Variants in ZNF697 observed in about 807,000 individuals in gnomAD.
The protein encoded by ZNF697 is zinc finger protein 697.
In ZNF697, 23 loss-of-function variants were observed where a neutral mutation model predicts 32.4. The ratio of observed to expected loss-of-function variants is 0.71; its 90% CI spans 0.51 to 1.01. ZNF697 has a LOEUF of 1.01. Ranked by LOEUF, ZNF697 falls within the 50% of genes least tolerant of loss-of-function variation. ZNF697 has a pLI of 0.00. For missense variants in ZNF697, 930 were observed against 794.0 expected (o/e 1.17, Z -2.06); for synonymous variants, 418 against 337.2 (o/e 1.24, Z -2.62).
chr1:119,630,442 C>A (rs1185476040), intron 1 of ZNF697, among the ~76,000 whole-genome samples: 4 of 152,360 alleles, frequency 2.6e-5, no homozygotes, highest in African/African-American at 7.2e-5. Context: ...GCAACTTCAA[C>A]AAGACTGCTC....
Position 119,641,398 on chromosome 1 carries a change from A to T in ZNF697, c.-38+6293T>A, listed in dbSNP as rs146795494. On this transcript the variant is annotated intron_variant, in intron 1 of 2. Transcript: ENST00000421812. Reference sequence around the variant, plus strand: ...GGAAAGCTCATATACTAAAAAAAATAACAAGAAAAAGAGTCACAGGTGGGG... The same window carrying T: ...GGAAAGCTCATATACTAAAAAAAATTACAAGAAAAAGAGTCACAGGTGGGG... Among the ~76,000 whole-genome samples the T allele has an allele frequency of 4.6e-3, 696 of 152,308 alleles. 4 individuals carry two copies. Among genetic ancestry groups the T allele is most frequent in the African/African-American group, 0.016 (653 of 41,554 alleles).
At position 119,625,867 on chromosome 1, in the gene ZNF697, C is replaced by T. The variant is rs750375195; in HGVS notation, c.226+8G>A. ...CAACTTGCATAGAAATCCCAGCTTT[C>T]TCCTCACCTGTGCAGATGTCGGGCA... On this transcript the variant is annotated splice_region_variant and intron_variant, in intron 2 of 2. Transcript: ENST00000421812. 4 of 1,613,120 alleles carry T rather than the reference C, an allele frequency of 2.5e-6. No homozygotes were observed. The highest frequency in any genetic ancestry group is 3.4e-6 in the Non-Finnish European group (4 of 1,179,792).
chr1:119,628,698 T>G (rs1291251383), intron 1 of ZNF697, among the ~76,000 whole-genome samples: 2 of 152,224 alleles, frequency 1.3e-5, no homozygotes, highest in Non-Finnish European at 2.9e-5. Context: ...ACTGGAAATC[T>G]GCATGCCCAG....
In ZNF697 at chr1:119,622,882, G is replaced by A. The variant is rs375699714; in HGVS notation, c.1461C>T (p.His487=). Residue 487 remains histidine (H), a synonymous_variant, in exon 3 of 3, where the codon CAC becomes CAT. Transcript: ENST00000421812. ...TGCACGTGTAGGGCTTCTCGCCCGT[G>A]TGCGTGCGCTGGTGCTGCGTGAGCG... The part of the protein sequence containing the change: ...FSTLTQHQRT[H]TGEKPYTCIE... The A allele has an allele frequency of 3.4e-5, 54 of 1,610,288 alleles. No individual in the cohort carries two copies. Among genetic ancestry groups the A allele is most frequent in the Non-Finnish European group, 4.5e-5 (53 of 1,178,288 alleles).
Position 119,624,680 on chromosome 1 carries a change from C to T in ZNF697, c.227-564G>A, listed in dbSNP as rs587769733. 3.9e-5 allele frequency among the ~76,000 whole-genome samples: 6 copies of T among 152,198 alleles called. No homozygotes were observed. In the South Asian group the frequency reaches 6.2e-4, roughly 16 times the overall value. ...CGCAATCTTGGCTCACTGCAACCTC[C>T]GCCTCCTGGGTTCAAGCGATTCTCC... On this transcript the variant is annotated intron_variant, in intron 2 of 2. Coordinates refer to ENST00000421812, the MANE Select transcript of ZNF697 (RefSeq NM_001080470.2).
chr1:119,635,955 A>C (rs1015568494), intron 1 of ZNF697, among the ~76,000 whole-genome samples: 1 of 152,114 alleles, frequency 6.6e-6, no homozygotes, highest in Non-Finnish European at 1.5e-5. Flanking sequence ...AAGCTCACAG[A>C]TATTTTCTGT....
chr1:119,625,102 A>G (rs1345215456), intron 2 of ZNF697, among the ~76,000 whole-genome samples: 1 of 151,938 alleles, frequency 6.6e-6, no homozygotes, highest in Non-Finnish European at 1.5e-5. Flanking sequence ...CGTATCCCCA[A>G]GCAGAGGGAA....
chr1:119,628,454 C>T (rs1648663803), intron 1 of ZNF697, among the ~76,000 whole-genome samples: 1 of 151,968 alleles, frequency 6.6e-6, no homozygotes, highest in African/African-American at 2.4e-5. Flanking sequence ...GAGGGGAGAA[C>T]CAGAGTGAGT....
chr1:119,620,922 G>T lies in ZNF697; in HGVS notation c.*1783C>A, dbSNP rs1167962929. 6.7e-6 allele frequency: 1 copy of T among 150,334 alleles called. No individual in the cohort carries two copies. Among genetic ancestry groups the T allele is most frequent in the Non-Finnish European group, 1.5e-5 (1 of 68,008 alleles). 9.3% of individuals were successfully genotyped at this position (150,334 alleles called of 1,614,324 possible). The stretch of plus-strand genomic sequence containing the variant: ...TCCACTGTGTCTGATATTTTGTGAA[G>T]ATGCTTCCATGAAATGTGTAGGGTA... On this transcript the variant is annotated 3_prime_UTR_variant, in exon 3 of 3. Transcript: ENST00000421812.
At position 119,620,104 on chromosome 1, in the gene ZNF697, T is replaced by G. The variant is rs368510685; in HGVS notation, c.*2601A>C. Reference sequence around the variant, plus strand: ...AGAAAAAATGGAATCACATTTTAAATGCACCAATAGAGTCGGGTGTTGGTA... The same window carrying G: ...AGAAAAAATGGAATCACATTTTAAAGGCACCAATAGAGTCGGGTGTTGGTA... On this transcript the variant is annotated 3_prime_UTR_variant, in exon 3 of 3. Coordinates refer to ENST00000421812, the MANE Select transcript of ZNF697 (RefSeq NM_001080470.2). 6.5e-6 allele frequency: 1 copy of G among 152,778 alleles called. No individual in the cohort carries two copies. Among genetic ancestry groups the G allele is most frequent in the South Asian group, 2.1e-4 (1 of 4,828 alleles). The allele number at this position is 152,778 out of a possible 1,614,324, so 9.5% of individuals were successfully genotyped here. A position where few individuals can be genotyped will look rare whatever the true frequency, so the allele number is the denominator to read the frequency against.
At chr1:119,627,695 C>G (rs1648634395) in intron 1 of ZNF697, among the ~76,000 whole-genome samples, 1 of 152,166 alleles carries the variant, frequency 6.6e-6, no homozygotes, top group African/African-American at 2.4e-5. Context: ...CAAGCCCTCT[C>G]CTTTAATGTC....
chr1:119,626,036 G>A lies in ZNF697; in HGVS notation c.65C>T (p.Ser22Phe). 1 of 1,613,882 alleles carries A rather than the reference G, an allele frequency of 6.2e-7. No individual in the cohort carries two copies. The highest frequency in any genetic ancestry group is 1.1e-5 in the South Asian group (1 of 91,074). The change falls in exon 2 of 3, where the codon TCT becomes TTT. Residue 22 changes from serine (S) to phenylalanine (F), a missense_variant. Ser to Phe is a radical substitution (Grantham distance 155). Transcript: ENST00000421812. ...HQDSEDKGMG[S>F]DFEDSEDREG... Reference sequence around the variant, plus strand: ...CCTGTCCTCAGAGTCCTCAAAATCAGAACCCATCCCTTTGTCTTCTGAGTC... The same window carrying A: ...CCTGTCCTCAGAGTCCTCAAAATCAAAACCCATCCCTTTGTCTTCTGAGTC...
At chr1:119,645,293 T>G (rs948763620) in intron 1 of ZNF697, among the ~76,000 whole-genome samples, 3 of 151,808 alleles carry the variant, frequency 2.0e-5, no homozygotes, top group Non-Finnish European at 4.4e-5. Context: ...GGCAAGATAA[T>G]TAAGATTTTT....
intron 1 of ZNF697, among the ~76,000 whole-genome samples, chr1:119,644,914 G>A (rs1649164012): frequency 1.3e-5 from 2 of 152,226 alleles, no homozygotes; most frequent in African/African-American, 4.8e-5. Context: ...CATGGTAAAT[G>A]TCTGGCTATA....
rs41276622 is a variant in ZNF697, at chr1:119,619,964, G to A, written c.*2741C>T. The A allele has an allele frequency of 0.038, 5,801 of 152,658 alleles. 130 individuals carry two copies. The highest frequency in any genetic ancestry group is 0.054 in the Middle Eastern group (16 of 294). 9.5% of individuals were successfully genotyped at this position (152,658 alleles called of 1,614,324 possible). On this transcript the variant is annotated 3_prime_UTR_variant, in exon 3 of 3. Transcript: ENST00000421812. ...AGATTAACGTTTTCAAGGGTGAACC[G>A]CAGTTAGCAGGGTTTGCCGAAGAAA...
chr1:119,641,800 TGAA>T (rs906803301), intron 1 of ZNF697, among the ~76,000 whole-genome samples: 4 of 152,226 alleles, frequency 2.6e-5, no homozygotes, highest in African/African-American at 9.6e-5. Context: ...TGCTGCCATG[TGAA>T]GAAGGACATG....
chr1:119,623,002 CCCGAAGCCCTT>C lies in ZNF697; in HGVS notation c.1330_1340del (p.Lys444AlafsTer2). ...GGTGGTTCACCAGGTGCGAGTTACG[CCCGAAGCCCTT>C]CCCGCACTCGCGGCACACGTAGGGC... On this transcript the variant is annotated frameshift_variant, in exon 3 of 3. Coordinates refer to ENST00000421812, the MANE Select transcript of ZNF697 (RefSeq NM_001080470.2). LOFTEE classifies it high-confidence loss of function. 6.3e-7 allele frequency: 1 copy of C among 1,590,376 alleles called. No individual in the cohort carries two copies.
chr1:119,623,471 C>G lies in ZNF697; in HGVS notation c.872G>C (p.Cys291Ser). 6.4e-7 allele frequency: 1 copy of G among 1,566,070 alleles called. No individual in the cohort carries two copies. Among genetic ancestry groups the G allele is most frequent in the African/African-American group, 1.4e-5 (1 of 70,936 alleles). ...GCTGAAGCTCTTGCCGCAGTCGGCG[C>G]ACAGGTTGGGCCGCTCGCCCGTGTG... Reference protein sequence around the residue: ...RLHTGERPNLCADCGKSFSWR... With the variant: ...RLHTGERPNLSADCGKSFSWR... Residue 291 changes from cysteine to serine, a missense_variant, in exon 3 of 3, where the codon TGC becomes TCC. Cys to Ser is a moderately radical substitution (Grantham distance 112). Coordinates refer to ENST00000421812, the MANE Select transcript of ZNF697 (RefSeq NM_001080470.2).
At chr1:119,631,362 T>C (rs976749605) in intron 1 of ZNF697, among the ~76,000 whole-genome samples, 2 of 152,240 alleles carry the variant, frequency 1.3e-5, no homozygotes, top group Admixed American at 6.5e-5. Flanking sequence ...GGTGACCCGT[T>C]TGACGTGTAA....
Sources: gnomAD v4.1 joint callset for allele counts (sites outside exome capture counted in the v4.1 genomes callset) on GRCh38, gnomAD v4.1.1 for gene constraint, MANE v1.5 for transcripts, NCBI Gene and HGNC (gene_info 2026-07-23, HGNC 2026-07-21) for gene names.